Variants in TMEM117 observed in about 807,000 individuals in gnomAD.
The protein encoded by TMEM117 is transmembrane protein 117.
A neutral mutation model predicts 52.4 loss-of-function variants in TMEM117; 27 were observed. The observed-to-expected ratio is 0.51, with a 90% confidence interval of 0.38 to 0.71. The LOEUF is 0.71. Ranked by LOEUF, TMEM117 falls within the 30% of genes least tolerant of loss-of-function variation. The pLI, the probability that TMEM117 is intolerant of heterozygous loss-of-function variation, is 0.00. For missense variants in TMEM117, 556 were observed against 630.5 expected, an observed-to-expected ratio of 0.88 and a Z score of 1.26; for synonymous variants, 215 against 206.3, an observed-to-expected ratio of 1.04 and a Z score of -0.36.
Position 43,851,656 on chromosome 12 carries a change from C to A in TMEM117, c.277+6728C>A, listed in dbSNP as rs200994963. On this transcript the variant is annotated intron_variant, in intron 2 of 7. Coordinates refer to ENST00000266534, the MANE Select transcript of TMEM117 (RefSeq NM_032256.3). ...AAAAAGGAATTGAAATTATTTGCAA[C>A]ATACATGCATAATACAGTAGAAGTA... Among the ~76,000 whole-genome samples, 20 of 152,236 alleles carry A rather than the reference C, an allele frequency of 1.3e-4. No homozygotes were observed. In the East Asian group the frequency reaches 2.5e-3, roughly 19 times the overall value.
At chr12:44,238,276 G>C (rs762154324) in intron 5 of TMEM117, among the ~76,000 whole-genome samples, 4 of 152,056 alleles carry the variant, frequency 2.6e-5, no homozygotes, top group African/African-American at 7.2e-5. Context: ...TACAAATATT[G>C]TAAGTACATA....
intron 3 of TMEM117, among the ~76,000 whole-genome samples, chr12:44,118,024 C>T (rs1948174284): frequency 6.6e-6 from 1 of 150,948 alleles, no homozygotes; most frequent in Non-Finnish European, 1.5e-5. Flanking sequence ...TGATACACAC[C>T]TTGACTTCTT....
chr12:44,040,543 A>G (rs1946780487), intron 3 of TMEM117, among the ~76,000 whole-genome samples: 1 of 152,174 alleles, frequency 6.6e-6, no homozygotes, highest in South Asian at 2.1e-4. Flanking sequence ...TTATATGTAC[A>G]TCTTTCCAGG....
At position 43,944,283 on chromosome 12, in the gene TMEM117, C is replaced by CT; in HGVS notation, c.354dup (p.Leu119SerfsTer32). ...TGACAATGTTCTTCAGCACAATTCTCTTTCTCTTCATATTTTCTCACATAT... is the reference window on the plus strand; with the variant it reads ...TGACAATGTTCTTCAGCACAATTCTCTTTTCTCTTCATATTTTCTCACATAT... On this transcript the variant is annotated frameshift_variant, in exon 3 of 8. Coordinates refer to ENST00000266534, the MANE Select transcript of TMEM117 (RefSeq NM_032256.3). LOFTEE classifies it high-confidence loss of function. 1 of 1,613,224 alleles carries CT rather than the reference C, an allele frequency of 6.2e-7. No individual in the cohort carries two copies. Among genetic ancestry groups the CT allele is most frequent in the Non-Finnish European group, 8.5e-7 (1 of 1,179,330 alleles).
intron 6 of TMEM117, among the ~76,000 whole-genome samples, chr12:44,330,311 G>C (rs902767234): frequency 1.2e-4 from 18 of 151,546 alleles, no homozygotes; most frequent in African/African-American, 4.1e-4. Context: ...AAGTTATTTG[G>C]GGCTGTTCCT....
intron 2 of TMEM117, among the ~76,000 whole-genome samples, chr12:43,881,560 C>G (rs1305708144): frequency 4.6e-5 from 7 of 151,054 alleles, no homozygotes; most frequent in Non-Finnish European, 1.0e-4. Flanking sequence ...GAGGCCAAGG[C>G]CAGCGGATCA....
rs558806716 is a variant in TMEM117, at chr12:44,381,723, CA to C, written c.898+5001del. On this transcript the variant is annotated intron_variant, in intron 7 of 7. Coordinates refer to ENST00000266534, the MANE Select transcript of TMEM117 (RefSeq NM_032256.3). ...GTTGTGTGAGGGTACAGGTGTTTTACAATGGTGAGAATGTGGAAAATAATGA... is the reference window on the plus strand; with the variant it reads ...GTTGTGTGAGGGTACAGGTGTTTTACATGGTGAGAATGTGGAAAATAATGA... Among the ~76,000 whole-genome samples the C allele has an allele frequency of 1.5e-3, 233 of 152,184 alleles. 1 individual carries two copies. Among genetic ancestry groups the C allele is most frequent in the African/African-American group, 5.0e-3 (207 of 41,530 alleles).
intron 5 of TMEM117, among the ~76,000 whole-genome samples, chr12:44,217,011 G>A (rs1949727156): frequency 6.6e-6 from 1 of 152,092 alleles, no homozygotes; most frequent in African/African-American, 2.4e-5. Flanking sequence ...AGTTATTAAA[G>A]TTTAACAAAA....
At chr12:43,994,323 C>T (rs1313258329) in intron 3 of TMEM117, among the ~76,000 whole-genome samples, 2 of 152,068 alleles carry the variant, frequency 1.3e-5, no homozygotes, top group Non-Finnish European at 2.9e-5. Flanking sequence ...AATAATAGAC[C>T]CCTTAAAATA....
intron 6 of TMEM117, among the ~76,000 whole-genome samples, chr12:44,341,998 A>C (rs888542956): frequency 1.3e-5 from 2 of 152,106 alleles, no homozygotes; most frequent in African/African-American, 4.8e-5. Context: ...AAACCCTGGA[A>C]TTCTTAGAGG....
chr12:44,115,794 C>T (rs775689121), intron 3 of TMEM117, among the ~76,000 whole-genome samples: 6 of 152,166 alleles, frequency 3.9e-5, no homozygotes, highest in Non-Finnish European at 7.3e-5. Context: ...GCTGGTGTCT[C>T]TGCACTCAAG....
chr12:43,855,464 T>C (rs547351168), intron 2 of TMEM117, among the ~76,000 whole-genome samples: 1 of 152,316 alleles, frequency 6.6e-6, no homozygotes, highest in African/African-American at 2.4e-5. Flanking sequence ...TTAAAAATGC[T>C]GTAGTTAAAA....
intron 1 of TMEM117, among the ~76,000 whole-genome samples, chr12:43,836,453 G>T (rs1301120690): frequency 6.6e-6 from 1 of 152,160 alleles, no homozygotes; most frequent in Non-Finnish European, 1.5e-5. Flanking sequence ...CTGGCTAAGG[G>T]CAGAGGAGAC....
chr12:43,922,320 A>C (rs1944708725), intron 2 of TMEM117, among the ~76,000 whole-genome samples: 1 of 152,192 alleles, frequency 6.6e-6, no homozygotes, highest in Non-Finnish European at 1.5e-5. Flanking sequence ...GGTTTTTAAA[A>C]ATTGAATTTA....
At chr12:44,149,960 T>G (rs1162553451) in intron 4 of TMEM117, among the ~76,000 whole-genome samples, 2 of 152,186 alleles carry the variant, frequency 1.3e-5, no homozygotes, top group Non-Finnish European at 2.9e-5. Flanking sequence ...CACATGTATA[T>G]GAGAAATGGA....
intron 6 of TMEM117, among the ~76,000 whole-genome samples, chr12:44,310,041 C>A (rs1020953105): frequency 2.6e-5 from 4 of 152,134 alleles, no homozygotes; most frequent in African/African-American, 9.7e-5. Context: ...GATAGCATGA[C>A]AGTTTTTTCC....
chr12:44,064,227 G>A (rs1478648089), intron 3 of TMEM117, among the ~76,000 whole-genome samples: 5 of 152,234 alleles, frequency 3.3e-5, no homozygotes, highest in South Asian at 2.1e-4. Flanking sequence ...CCTAAGAACG[G>A]TGTGAATCAG....
At chr12:44,086,965 A>C (rs1202514673) in intron 3 of TMEM117, among the ~76,000 whole-genome samples, 1 of 147,532 alleles carries the variant, frequency 6.8e-6, no homozygotes, top group Admixed American at 6.8e-5. Flanking sequence ...ATAATTAATA[A>C]TTATAAATTA....
At chr12:44,325,051 G>A (rs923162474) in intron 6 of TMEM117, among the ~76,000 whole-genome samples, 1 of 152,160 alleles carries the variant, frequency 6.6e-6, no homozygotes, top group Non-Finnish European at 1.5e-5. Context: ...AACCAACAAA[G>A]AGGACTGTAT....
Sources: allele counts gnomAD v4.1 joint callset (sites outside exome capture counted in the v4.1 genomes callset), GRCh38; gene constraint gnomAD v4.1.1; transcripts MANE v1.5; gene names NCBI Gene and HGNC (gene_info 2026-07-23, HGNC 2026-07-21).